The following ITPR2 variants were observed in gnomAD, a reference collection of about 807,000 sequenced individuals.
ITPR2 encodes the protein inositol 1,4,5-trisphosphate-gated calcium channel ITPR2.
Under a neutral mutation model 317.1 loss-of-function variants are expected in ITPR2, and 207 were observed. The ratio of observed to expected loss-of-function variants is 0.65; its 90% CI spans 0.58 to 0.73. The LOEUF (loss-of-function observed/expected upper bound fraction) is 0.73, where lower values mean the gene tolerates loss of function less well. ITPR2 is among the 30% of genes least tolerant of loss of function. The pLI, the probability that ITPR2 is intolerant of heterozygous loss-of-function variation, is 0.00. For missense variants in ITPR2, 2,613 were observed against 3,284.0 expected (o/e 0.80, Z 4.99); for synonymous variants, 1,156 against 1,149.1 (o/e 1.01, Z -0.12).
intron 45 of ITPR2, among the ~76,000 whole-genome samples, chr12:26,452,059 C>G (rs1023078182): frequency 1.3e-5 from 2 of 152,066 alleles, no homozygotes; most frequent in Non-Finnish European, 2.9e-5. Context: ...AGTTCTCTGG[C>G]CCGACCTCAA....
intron 52 of ITPR2, among the ~76,000 whole-genome samples, chr12:26,410,419 A>C (rs967464805): frequency 6.6e-6 from 1 of 152,186 alleles, no homozygotes; most frequent in Non-Finnish European, 1.5e-5. Context: ...TTATTCCTCA[A>C]GCAATAGTCC....
At chr12:26,522,542 C>G (rs1460690342) in intron 37 of ITPR2, among the ~76,000 whole-genome samples, 1 of 152,198 alleles carries the variant, frequency 6.6e-6, no homozygotes, top group Non-Finnish European at 1.5e-5. Context: ...CACCTCTGAG[C>G]AGTGCGACCC....
intron 13 of ITPR2, among the ~76,000 whole-genome samples, chr12:26,673,655 C>T (rs1592023230): frequency 6.6e-6 from 1 of 151,388 alleles, no homozygotes; most frequent in Non-Finnish European, 1.5e-5. Context: ...TGCCCTCTCT[C>T]ACCACTCCTA....
chr12:26,782,037 T>TATATATAGAG (rs1950102369), intron 2 of ITPR2, among the ~76,000 whole-genome samples: 1 of 51,736 alleles, frequency 1.9e-5, no homozygotes, highest in Non-Finnish European at 4.1e-5. Context: ...TATATATGTA[T>TATATATAGAG]AGAGAGAGAG....
At chr12:26,498,748 C>A (rs889897225) in intron 37 of ITPR2, among the ~76,000 whole-genome samples, 2 of 152,212 alleles carry the variant, frequency 1.3e-5, no homozygotes, top group Admixed American at 6.5e-5. Context: ...GTCAGCATCA[C>A]TGTCTGAAAG....
At chr12:26,823,532 C>T (rs35247107) in intron 1 of ITPR2, among the ~76,000 whole-genome samples, 21 of 152,196 alleles carry the variant, frequency 1.4e-4, no homozygotes, top group Admixed American at 3.3e-4. Context: ...ACATATTGCC[C>T]GGCACACAGA....
intron 34 of ITPR2, 60 bp from the exon 35 acceptor site, chr12:26,562,012 A>T (rs1944834332): frequency 8.7e-7 from 1 of 1,155,846 alleles, no homozygotes; most frequent in East Asian, 3.0e-5. Context: ...CTTACATATT[A>T]TCCATACAAT....
rs145535279 is a variant in ITPR2 at position 26,573,108 on chromosome 12, G to C, written c.4630+5605C>G. ...GGTGCGAACATAGCTCATTGAAGCT[G>C]CGAACTCCTGGGCAGTAAAGATCTC... On this transcript the variant is annotated intron_variant, in intron 34 of 56. Coordinates refer to ENST00000381340, the MANE Select transcript of ITPR2 (RefSeq NM_002223.4). 4.3e-4 allele frequency among the ~76,000 whole-genome samples: 66 copies of C among 151,978 alleles called. No individual in the cohort carries two copies. In the East Asian group the frequency reaches 0.012, roughly 29 times the overall value.
intron 45 of ITPR2, among the ~76,000 whole-genome samples, chr12:26,453,700 G>A (rs1416256382): frequency 1.3e-5 from 2 of 152,164 alleles, no homozygotes; most frequent in African/African-American, 2.4e-5. Context: ...GAGATGACCA[G>A]GTAATATTAC....
intron 55 of ITPR2, among the ~76,000 whole-genome samples, chr12:26,371,211 C>T (rs2136598634): frequency 6.6e-6 from 1 of 152,332 alleles, no homozygotes; most frequent in South Asian, 2.1e-4. Context: ...GTCACCCAAA[C>T]TCAAAACCTT....
intron 2 of ITPR2, among the ~76,000 whole-genome samples, chr12:26,749,239 G>T (rs934857370): frequency 6.6e-6 from 1 of 152,152 alleles, no homozygotes; most frequent in Non-Finnish European, 1.5e-5. Context: ...TCCAAGCCAG[G>T]TAATTAAATA....
chr12:26,613,648 T>C (rs1946319103), intron 26 of ITPR2, among the ~76,000 whole-genome samples: 1 of 152,008 alleles, frequency 6.6e-6, no homozygotes, highest in African/African-American at 2.4e-5. Flanking sequence ...TCAGAGACCC[T>C]GGCATAGAGT....
intron 45 of ITPR2, among the ~76,000 whole-genome samples, chr12:26,474,897 A>C (rs1486767984): frequency 3.9e-5 from 6 of 151,954 alleles, no homozygotes; most frequent in Non-Finnish European, 8.8e-5. Flanking sequence ...CCTACAATTC[A>C]AGGAGGCCAG....
intron 55 of ITPR2, among the ~76,000 whole-genome samples, chr12:26,341,297 C>G (rs926612931): frequency 4.1e-4 from 62 of 152,200 alleles, no homozygotes; most frequent in Non-Finnish European, 1.0e-4. Flanking sequence ...CTCTAAATCA[C>G]CTTCTCCCAA....
Position 26,428,032 on chromosome 12 carries a change from ATG to A in ITPR2, c.6824_6825del (p.Thr2275IlefsTer40). The A allele has an allele frequency of 1.9e-6, 3 of 1,612,860 alleles. No individual in the cohort carries two copies. Among genetic ancestry groups the A allele is most frequent in the Non-Finnish European group, 2.5e-6 (3 of 1,179,364 alleles). On this transcript the variant is annotated frameshift_variant, in exon 49 of 57. Coordinates refer to ENST00000381340, the MANE Select transcript of ITPR2 (RefSeq NM_002223.4). LOFTEE classifies it high-confidence loss of function. ...GGCTTGGAGAAGAAAAACAGCATAG[ATG>A]TGCAGATCGCAACTGCTATCCAAAG... ...VLLWIAVAIC[T>X]SMLFFFSKPV...
At chr12:26,568,830 T>A (rs1945078955) in intron 34 of ITPR2, among the ~76,000 whole-genome samples, 1 of 152,196 alleles carries the variant, frequency 6.6e-6, no homozygotes. Flanking sequence ...AGAATAAATC[T>A]GTACTGAAGC....
intron 54 of ITPR2, among the ~76,000 whole-genome samples, chr12:26,396,719 TG>T (rs1327404715): frequency 2.6e-5 from 4 of 152,224 alleles, no homozygotes; most frequent in African/African-American, 9.7e-5. Flanking sequence ...CTCAGACTCA[TG>T]AATTGATCTG....
At chr12:26,601,029 C>G (rs941760333) in intron 28 of ITPR2, among the ~76,000 whole-genome samples, 1 of 152,092 alleles carries the variant, frequency 6.6e-6, no homozygotes, top group Admixed American at 6.6e-5. Context: ...TTTCCAAAGT[C>G]CTATACTAAG....
chr12:26,793,565 G>GTA lies in ITPR2; in HGVS notation c.93-3340_93-3339dup, dbSNP rs1371555383. On this transcript the variant is annotated intron_variant, in intron 1 of 56. Coordinates refer to ENST00000381340, the MANE Select transcript of ITPR2 (RefSeq NM_002223.4). ...GCCCAGTATAATTTTATAATTTCAT[G>GTA]TATATATATATGCAACATCATTATA... is the stretch of plus-strand genomic sequence containing the variant. Among the ~76,000 whole-genome samples the GTA allele has an allele frequency of 1.6e-3, 242 of 151,878 alleles. 1 individual carries two copies. The highest frequency in any genetic ancestry group is 5.3e-3 in the African/African-American group (220 of 41,454).
Sources: allele counts gnomAD v4.1 joint callset (sites outside exome capture counted in the v4.1 genomes callset), GRCh38; gene constraint gnomAD v4.1.1; transcripts MANE v1.5; gene names NCBI Gene and HGNC (gene_info 2026-07-23, HGNC 2026-07-21).